CD55: variants seen among roughly 807,000 people sequenced by gnomAD.
CD55 encodes CD55 molecule (Cromer blood group), also known as complement decay-accelerating factor.
CD55 carries 41 observed loss-of-function variants against 45.8 expected under a neutral mutation model. The observed-to-expected ratio is 0.90, with a 90% CI of 0.70 to 1.16. The LOEUF (loss-of-function observed/expected upper bound fraction) is 1.16, where lower values mean the gene tolerates loss of function less well. Ranked by LOEUF, CD55 falls within the 50% of genes most tolerant of loss-of-function variation. The pLI is 0.00. For synonymous variants in CD55, 181 were observed against 181.1 expected (o/e 1.00, Z 0.01); for missense variants, 416 against 469.8 (o/e 0.89, Z 1.06).
intron 9 of CD55, among the ~76,000 whole-genome samples, chr1:207,352,821 C>A (rs1655920528): frequency 6.6e-6 from 1 of 151,880 alleles, no homozygotes; most frequent in South Asian, 2.1e-4. Context: ...TAAGAACAGT[C>A]TTTTATTCAG....
chr1:207,322,618 A>G (rs1654474136), intron 2 of CD55, 51 bp downstream of exon 2: 1 of 1,426,734 alleles, frequency 7.0e-7, no homozygotes, highest in African/African-American at 1.4e-5. Flanking sequence ...TGTATCTTAA[A>G]TTTATTTTTA....
intron 6 of CD55, among the ~76,000 whole-genome samples, 163 bp from the exon 7 acceptor site, chr1:207,336,530 T>C (rs760685137): frequency 9.9e-5 from 15 of 152,168 alleles, no homozygotes; most frequent in Non-Finnish European, 2.1e-4. Flanking sequence ...AACTTAGAAC[T>C]TCAGCTCCTT....
chr1:207,350,128 T>C (rs932653091), intron 9 of CD55: 8 of 454,738 alleles, frequency 1.8e-5, no homozygotes, highest in Non-Finnish European at 3.5e-5. Context: ...TGTGGTTTTT[T>C]TGTTTGTAGT....
Position 207,325,627 on chromosome 1 carries a change from T to A in CD55, c.484T>A (p.Ser162Thr). The change falls in exon 4 of 10, where the codon TCA (serine) becomes ACA (threonine). Residue 162 changes from serine (S) to threonine (T), a missense_variant. Ser to Thr is a moderately conservative substitution (Grantham distance 58, BLOSUM62 1). This residue lies in a region of CD55 where 111 missense variants were observed against 163.4 expected (regional missense o/e 0.68). Coordinates refer to ENST00000367064, the MANE Select transcript of CD55 (RefSeq NM_000574.5). ...STAVEFCKKK[S>T]CPNPGEIRNG... Reference sequence around the variant, plus strand: ...CAATTTGTATTCTATTCTAGAGAAATCATGCCCTAATCCGGGAGAAATACG... The same window carrying A: ...CAATTTGTATTCTATTCTAGAGAAAACATGCCCTAATCCGGGAGAAATACG... 1.2e-6 allele frequency: 2 copies of A among 1,600,116 alleles called. No homozygotes were observed. Among genetic ancestry groups the A allele is most frequent in the Non-Finnish European group, 1.7e-6 (2 of 1,168,266 alleles).
At position 207,322,387 on chromosome 1, in the gene CD55, T is replaced by C. The variant is rs1261776205; in HGVS notation, c.106T>C (p.Cys36Arg). 2 of 1,613,912 alleles carry C rather than the reference T, an allele frequency of 1.2e-6. No homozygotes were observed. Among genetic ancestry groups the C allele is most frequent in the African/African-American group, 2.7e-5 (2 of 74,950 alleles). Reference sequence around the variant, plus strand: ...TTCTGCTTTTGTCTCCCTAGGTGACTGTGGCCTTCCCCCAGATGTACCTAA... The same window carrying C: ...TTCTGCTTTTGTCTCCCTAGGTGACCGTGGCCTTCCCCCAGATGTACCTAA... ...LLCLPAVWGD[C>R]GLPPDVPNAQ... The change falls in exon 2 of 10, where the codon TGT becomes CGT. Residue 36 changes from cysteine (C) to arginine (R), a missense_variant. By Grantham distance (180) the Cys-to-Arg change is radical. Transcript: ENST00000367064.
intron 9 of CD55, among the ~76,000 whole-genome samples, chr1:207,351,163 G>A (rs1655852838): frequency 6.6e-6 from 1 of 152,186 alleles, no homozygotes; most frequent in African/African-American, 2.4e-5. Context: ...AGTTTTAAGA[G>A]ATCTTCCTGG....
chr1:207,332,158 A>C (rs1654974718), intron 6 of CD55, among the ~76,000 whole-genome samples: 1 of 152,080 alleles, frequency 6.6e-6, no homozygotes, highest in South Asian at 2.1e-4. Context: ...AGAGGTAACA[A>C]TTTTTTACAA....
chr1:207,325,692 T>G lies in CD55; in HGVS notation c.549T>G (p.Gly183=). Residue 183 remains glycine (G), a synonymous_variant, in exon 4 of 10, where the codon GGT becomes GGG. Transcript: ENST00000367064. ...ATGTACCAGGTGGCATATTATTTGG[T>G]GCAACCATCTCCTTCTCATGTAACA... The part of the protein sequence containing the change: ...QIDVPGGILF[G]ATISFSCNTG... The G allele has an allele frequency of 6.2e-7, 1 of 1,609,544 alleles. No homozygotes were observed. The highest frequency in any genetic ancestry group is 1.1e-5 in the South Asian group (1 of 90,570).
At chr1:207,327,573 T>A (rs1395434765) in intron 5 of CD55, among the ~76,000 whole-genome samples, 1 of 152,192 alleles carries the variant, frequency 6.6e-6, no homozygotes, top group African/African-American at 2.4e-5. Flanking sequence ...AAATGTAGGC[T>A]TGCTTTCTTT....
In CD55 at chr1:207,360,754, T is replaced by A. The variant is rs1210611182; in HGVS notation, c.*1144T>A. The A allele has an allele frequency of 6.6e-6, 1 of 152,204 alleles. No homozygotes were observed. Among genetic ancestry groups the A allele is most frequent in the Non-Finnish European group, 1.5e-5 (1 of 68,024 alleles). The allele number at this position is 152,204 out of a possible 1,614,324, so 9.4% of individuals were successfully genotyped here. ...TAATTTCTAGGTTTTTACCATATTCTTGTCATCTTGCCAATTACATTTTAA... is the reference window on the plus strand; with the variant it reads ...TAATTTCTAGGTTTTTACCATATTCATGTCATCTTGCCAATTACATTTTAA... On this transcript the variant is annotated 3_prime_UTR_variant, in exon 10 of 10. Coordinates refer to ENST00000367064, the MANE Select transcript of CD55 (RefSeq NM_000574.5).
intron 9 of CD55, among the ~76,000 whole-genome samples, chr1:207,352,260 G>T (rs1183175445): frequency 6.7e-6 from 1 of 150,104 alleles, no homozygotes; most frequent in Non-Finnish European, 1.5e-5. Flanking sequence ...GGGGTGGGGG[G>T]TGCGTTAATT....
At chr1:207,337,501 T>C in intron 8 of CD55, 92 bp downstream of exon 8, 2 of 734,662 alleles carry the variant, frequency 2.7e-6, no homozygotes, top group Non-Finnish European at 2.4e-6. Context: ...TTAAATGGTC[T>C]CTAATTTATT....
chr1:207,343,078 CT>C (rs1164803528), intron 9 of CD55, among the ~76,000 whole-genome samples: 1 of 151,968 alleles, frequency 6.6e-6, no homozygotes, highest in Non-Finnish European at 1.5e-5. Flanking sequence ...GGGCTTCTCT[CT>C]TTTTTTCTTG....
intron 8 of CD55, 97 bp from the exon 9 acceptor site, chr1:207,339,300 T>G (rs968621175): frequency 1.2e-6 from 1 of 816,580 alleles, no homozygotes; most frequent in Admixed American, 2.3e-5. Flanking sequence ...CTTTCGAGTT[T>G]TCTAGTGTAG....
At chr1:207,330,010 T>A (rs995149658) in intron 5 of CD55, among the ~76,000 whole-genome samples, 3 of 142,338 alleles carry the variant, frequency 2.1e-5, no homozygotes, top group Non-Finnish European at 3.1e-5. Context: ...ACCCTTGCAT[T>A]TTTTATTGAA....
intron 9 of CD55, among the ~76,000 whole-genome samples, chr1:207,348,848 G>A (rs1025959651): frequency 2.0e-5 from 3 of 151,972 alleles, no homozygotes; most frequent in South Asian, 2.1e-4. Flanking sequence ...TGTTATTGTC[G>A]ACTTCATTGA....
intron 7 of CD55, chr1:207,337,127 AC>A: frequency 1.6e-6 from 1 of 607,316 alleles, no homozygotes; most frequent in Admixed American, 3.0e-5. Flanking sequence ...AACCCTATCT[AC>A]AAAGACCCCT....
intron 9 of CD55, among the ~76,000 whole-genome samples, chr1:207,357,266 G>T (rs1656112517): frequency 6.6e-6 from 1 of 151,882 alleles, no homozygotes; most frequent in African/African-American, 2.4e-5. Flanking sequence ...AATATAGTAA[G>T]ACATAACTTT....
At chr1:207,341,115 A>G (rs773479236) in intron 9 of CD55, among the ~76,000 whole-genome samples, 2 of 152,022 alleles carry the variant, frequency 1.3e-5, no homozygotes, top group African/African-American at 2.4e-5. Flanking sequence ...TTTTAGTGTG[A>G]TTATTTGTTT....
Sources: gnomAD v4.1 joint callset for allele counts (sites outside exome capture counted in the v4.1 genomes callset) on GRCh38, gnomAD v4.1.1 for gene constraint, gnomAD v4.1.1 regional missense constraint, MANE v1.5 for transcripts, NCBI Gene and HGNC (gene_info 2026-07-23, HGNC 2026-07-21) for gene names.